Variants in TYW1B observed in about 807,000 individuals in gnomAD.
TYW1B encodes the protein tRNA-yW synthesizing protein 1 homolog B.
In TYW1B, 73 loss-of-function variants were observed where a neutral mutation model predicts 86.9. The observed-to-expected ratio is 0.84, with a 90% CI of 0.70 to 1.02. The LOEUF (loss-of-function observed/expected upper bound fraction) is 1.02, where lower values mean the gene tolerates loss of function less well. TYW1B is among the 50% of genes least tolerant of loss of function. The pLI, the probability that TYW1B is intolerant of heterozygous loss-of-function variation, is 0.00. For missense variants in TYW1B, 637 were observed against 827.4 expected, an observed-to-expected ratio of 0.77 and a Z score of 2.82; for synonymous variants, 248 against 292.8, an observed-to-expected ratio of 0.85 and a Z score of 1.56.
chr7:72,703,050 A>G (rs1191706963), intron 10 of TYW1B, among the ~76,000 whole-genome samples: 2 of 118,996 alleles, frequency 1.7e-5, no homozygotes, highest in African/African-American at 3.3e-5. Context: ...TTTGAGATGG[A>G]GTCTCGCTCT....
intron 3 of TYW1B, among the ~76,000 whole-genome samples, chr7:72,811,192 AC>A (rs1788609162): frequency 6.7e-6 from 1 of 150,250 alleles, no homozygotes; most frequent in Non-Finnish European, 1.5e-5. Flanking sequence ...AATGGCGTGA[AC>A]CCAGGAGGCA....
chr7:72,575,407 G>A lies in TYW1B; in HGVS notation c.*91C>T, dbSNP rs1181957278. The A allele has an allele frequency of 1.1e-5, 16 of 1,510,086 alleles. No individual in the cohort carries two copies. Among genetic ancestry groups the A allele is most frequent in the East Asian group, 4.8e-5 (2 of 41,588 alleles). The allele number at this position is 1,510,086 out of a possible 1,614,324, so 93.5% of individuals were successfully genotyped here. ...TCCTTTGTATGAAAGTATAATTTACGTAATTCGTCCTTGGAGAATCAGAGT... is the reference window on the plus strand; with the variant it reads ...TCCTTTGTATGAAAGTATAATTTACATAATTCGTCCTTGGAGAATCAGAGT... On this transcript the variant is annotated 3_prime_UTR_variant, in exon 14 of 14. Coordinates refer to ENST00000620995, the MANE Select transcript of TYW1B (RefSeq NM_001145440.3).
chr7:72,707,013 C>A lies in TYW1B; in HGVS notation c.1370+6608G>T, dbSNP rs1328600671. Among the ~76,000 whole-genome samples the A allele has an allele frequency of 7.2e-5, 11 of 152,156 alleles. 1 individual carries two copies. Among genetic ancestry groups the A allele is most frequent in the Non-Finnish European group, 1.5e-5 (1 of 68,020 alleles). ...AACTGAGTTTCTGAAGAATACTGAG[C>A]CCCAGTAGGTTCAAGGTTATACTCC... On this transcript the variant is annotated intron_variant, in intron 10 of 13. Coordinates refer to ENST00000620995, the MANE Select transcript of TYW1B (RefSeq NM_001145440.3).
rs2129567449 is a variant in TYW1B at position 72,574,808 on chromosome 7, T to G, written c.*690A>C. ...TGACTCCATGCCCTCACATGGCCAC[T>G]CCTCTTACAGCAGACAGCTTCACTC... is the stretch of plus-strand genomic sequence containing the variant. On this transcript the variant is annotated 3_prime_UTR_variant, in exon 14 of 14. Transcript: ENST00000620995. 1 of 985,380 alleles carries G rather than the reference T, an allele frequency of 1.0e-6. No homozygotes were observed. Among genetic ancestry groups the G allele is most frequent in the Non-Finnish European group, 1.2e-6 (1 of 829,952 alleles). 61.0% of individuals were successfully genotyped at this position (985,380 alleles called of 1,614,324 possible). A position where few individuals can be genotyped will look rare whatever the true frequency, so the allele number is the denominator to read the frequency against.
chr7:72,635,249 CCTT>C (rs1312209851), intron 11 of TYW1B, among the ~76,000 whole-genome samples: 17 of 152,256 alleles, frequency 1.1e-4, no homozygotes, highest in African/African-American at 2.4e-4. Context: ...GTGAGGGTCT[CCTT>C]CTGGTTTTTT....
intron 10 of TYW1B, among the ~76,000 whole-genome samples, chr7:72,707,599 CA>C (rs1206064764): frequency 6.6e-5 from 10 of 152,170 alleles, no homozygotes; most frequent in African/African-American, 2.4e-4. Flanking sequence ...TCTGTTTTGA[CA>C]AACAAAAGCA....
intron 11 of TYW1B, among the ~76,000 whole-genome samples, chr7:72,640,064 GCAA>G (rs1460808126): frequency 2.6e-5 from 4 of 151,646 alleles, no homozygotes; most frequent in Non-Finnish European, 5.9e-5. Context: ...AATCACGAGG[GCAA>G]CAACTAAAAG....
intron 11 of TYW1B, among the ~76,000 whole-genome samples, chr7:72,648,466 C>A (rs1194273215): frequency 6.6e-6 from 1 of 151,502 alleles, no homozygotes; most frequent in African/African-American, 2.4e-5. Flanking sequence ...TCACTTGAAC[C>A]CAGGAGGCGG....
intron 4 of TYW1B, among the ~76,000 whole-genome samples, chr7:72,808,969 T>C (rs1788547046): frequency 6.6e-6 from 1 of 152,066 alleles, no homozygotes; most frequent in Admixed American, 6.6e-5. Flanking sequence ...GTTTCATTTT[T>C]TCAAGTGTAG....
intron 9 of TYW1B, among the ~76,000 whole-genome samples, chr7:72,722,133 ATTAGT>A (rs1233182954): frequency 2.0e-5 from 3 of 152,174 alleles, no homozygotes; most frequent in African/African-American, 7.2e-5. Flanking sequence ...TTTTTCATAA[ATTAGT>A]TTCTGAAAAC....
At chr7:72,654,034 C>A (rs1554443251) in intron 11 of TYW1B, among the ~76,000 whole-genome samples, 3 of 147,794 alleles carry the variant, frequency 2.0e-5, no homozygotes, top group Non-Finnish European at 3.0e-5. Context: ...GAGCTAAGAG[C>A]ATGCCACTGC....
At chr7:72,784,206 A>G (rs1234993981) in intron 6 of TYW1B, among the ~76,000 whole-genome samples, 5 of 152,154 alleles carry the variant, frequency 3.3e-5, no homozygotes, top group Admixed American at 2.0e-4. Flanking sequence ...GAAAGAGAAA[A>G]TAAACAATAT....
chr7:72,603,512 T>C (rs1254172039), intron 13 of TYW1B, among the ~76,000 whole-genome samples: 1 of 152,190 alleles, frequency 6.6e-6, no homozygotes, highest in Non-Finnish European at 1.5e-5. Context: ...ACATAGATAC[T>C]CTGCCCTCAA....
intron 6 of TYW1B, among the ~76,000 whole-genome samples, chr7:72,783,895 A>T (rs1788088030): frequency 6.6e-6 from 1 of 152,204 alleles, no homozygotes. Context: ...AACACTCCAA[A>T]GCCTTAAAAA....
chr7:72,736,605 C>G (rs1356744691), intron 8 of TYW1B, among the ~76,000 whole-genome samples: 1 of 152,274 alleles, frequency 6.6e-6, no homozygotes. Context: ...GAAACGCTAT[C>G]CCCTCGGGTA....
chr7:72,602,980 G>C (rs1811703423), intron 13 of TYW1B, among the ~76,000 whole-genome samples: 1 of 151,978 alleles, frequency 6.6e-6, no homozygotes, highest in South Asian at 2.1e-4. Context: ...AAAGAAATAA[G>C]GTAGTACTGG....
At chr7:72,717,635 G>A (rs1405083741) in intron 9 of TYW1B, among the ~76,000 whole-genome samples, 1 of 143,508 alleles carries the variant, frequency 7.0e-6, no homozygotes, top group African/African-American at 2.6e-5. Flanking sequence ...ATTGGTGTCA[G>A]CTGTGCTTGA....
At chr7:72,704,055 T>C (rs1554453225) in intron 10 of TYW1B, among the ~76,000 whole-genome samples, 1 of 152,160 alleles carries the variant, frequency 6.6e-6, no homozygotes, top group African/African-American at 2.4e-5. Flanking sequence ...TCTGTCATTC[T>C]TGAGACTATA....
chr7:72,709,561 G>T (rs372401780), intron 10 of TYW1B, among the ~76,000 whole-genome samples: 1 of 152,134 alleles, frequency 6.6e-6, no homozygotes, highest in Admixed American at 6.5e-5. Context: ...CCAGCTACTC[G>T]GGAGGCTGAG....
Sources: gnomAD v4.1 joint callset for allele counts (sites outside exome capture counted in the v4.1 genomes callset) on GRCh38, gnomAD v4.1.1 for gene constraint, MANE v1.5 for transcripts, NCBI Gene and HGNC (gene_info 2026-07-23, HGNC 2026-07-21) for gene names.